MNAT1: variants seen among roughly 807,000 people sequenced by gnomAD.
MNAT1 encodes MNAT1 component of CDK activating kinase, also known as CDK-activating kinase assembly factor MAT1.
In MNAT1, 43 loss-of-function variants were observed where a neutral mutation model predicts 42.0. The ratio of observed to expected loss-of-function variants is 1.02; its 90% CI spans 0.80 to 1.32. The LOEUF (loss-of-function observed/expected upper bound fraction) is 1.32. Among genes scored for constraint, MNAT1 ranks in the 40% most tolerant of loss-of-function variants. The probability of loss-of-function intolerance (pLI) is 0.00; values close to 1 mark genes in which losing one functional copy is unlikely to be tolerated. For synonymous variants in MNAT1, 118 were observed against 120.0 expected (o/e 0.98, Z 0.11); for missense variants, 306 against 350.4 (o/e 0.87, Z 1.01).
intron 1 of MNAT1, among the ~76,000 whole-genome samples, chr14:60,767,674 C>T (rs1188797552): frequency 2.0e-5 from 3 of 152,162 alleles, no homozygotes; most frequent in African/African-American, 4.8e-5. Flanking sequence ...GATCTTGGCT[C>T]ATCGCAACCT....
intron 7 of MNAT1, among the ~76,000 whole-genome samples, chr14:60,909,529 G>C (rs1046242867): frequency 1.3e-5 from 2 of 152,136 alleles, no homozygotes; most frequent in Non-Finnish European, 2.9e-5. Context: ...TCCAGTTTCA[G>C]CTTTCTACAT....
chr14:60,958,634 C>CT (rs71114172), intron 7 of MNAT1, among the ~76,000 whole-genome samples: 59,300 of 93,428 alleles, frequency 0.63, 22,695 homozygotes, highest in Middle Eastern at 0.67. Context: ...GAGACAAGGT[C>CT]TTTTTTTTTT....
intron 7 of MNAT1, among the ~76,000 whole-genome samples, chr14:60,922,514 A>T (rs1183224399): frequency 6.6e-6 from 1 of 152,026 alleles, no homozygotes; most frequent in Non-Finnish European, 1.5e-5. Flanking sequence ...TAAATCTTTT[A>T]TTTTTTGGCC....
chr14:60,867,856 C>T (rs2034240086), intron 6 of MNAT1, among the ~76,000 whole-genome samples: 1 of 151,932 alleles, frequency 6.6e-6, no homozygotes, highest in African/African-American at 2.4e-5. Flanking sequence ...TAGGCCCTGT[C>T]CCTCATTTGT....
At chr14:60,780,757 G>A (rs1165861221) in intron 1 of MNAT1, among the ~76,000 whole-genome samples, 1 of 151,790 alleles carries the variant, frequency 6.6e-6, no homozygotes, top group Non-Finnish European at 1.5e-5. Context: ...TTGTTTTTTT[G>A]GTACCTATTT....
chr14:60,834,165 A>G (rs1233177389), intron 6 of MNAT1, among the ~76,000 whole-genome samples: 8 of 151,806 alleles, frequency 5.3e-5, no homozygotes, highest in East Asian at 1.9e-4. Flanking sequence ...TTGTGTCTCT[A>G]TCTCCTTTAG....
chr14:60,940,273 G>T lies in MNAT1; in HGVS notation c.810-27956G>T, dbSNP rs968210613. 5.1e-4 allele frequency among the ~76,000 whole-genome samples: 77 copies of T among 152,284 alleles called. 1 individual carries two copies. Among genetic ancestry groups the T allele is most frequent in the East Asian group, 1.5e-3 (8 of 5,176 alleles). On this transcript the variant is annotated intron_variant, in intron 7 of 7. Transcript: ENST00000261245. ...GTTATGTGTGAATTTGATCCTGTCA[G>T]TATGATGTTAGCTGGTTATTTTGCT...
intron 1 of MNAT1, among the ~76,000 whole-genome samples, chr14:60,769,006 T>C (rs2030946585): frequency 6.6e-6 from 1 of 152,186 alleles, no homozygotes; most frequent in African/African-American, 2.4e-5. Context: ...ATAATATGTA[T>C]AGTTTAATGA....
chr14:60,797,004 A>G (rs1376495854), intron 2 of MNAT1, among the ~76,000 whole-genome samples: 4 of 152,070 alleles, frequency 2.6e-5, no homozygotes, highest in Non-Finnish European at 4.4e-5. Context: ...ATATATGTAT[A>G]TATATACCTA....
In MNAT1 at chr14:60,818,898, G is replaced by A. The variant is rs4151228; in HGVS notation, c.687+51G>A. Reference sequence around the variant, plus strand: ...TGAAAGATATTTTTTCAAGGATTATGCTTTATAATTTTACACGATTTCTAT... The same window carrying A: ...TGAAAGATATTTTTTCAAGGATTATACTTTATAATTTTACACGATTTCTAT... On this transcript the variant is annotated intron_variant, in intron 6 of 7. Transcript: ENST00000261245. The A allele has an allele frequency of 1.5e-3, 2,367 of 1,579,922 alleles. 38 individuals carry two copies. The African/African-American group carries it at 0.027, about 18-fold the overall frequency.
intron 7 of MNAT1, among the ~76,000 whole-genome samples, chr14:60,913,613 G>T (rs1332449705): frequency 1.3e-5 from 2 of 152,140 alleles, no homozygotes; most frequent in African/African-American, 2.4e-5. Context: ...GTTTGCCTGG[G>T]TATCAGCAGG....
chr14:60,912,164 C>T (rs199765275), intron 7 of MNAT1, among the ~76,000 whole-genome samples: 15 of 151,634 alleles, frequency 9.9e-5, no homozygotes, highest in East Asian at 1.9e-4. Context: ...TTTTGTTTTC[C>T]GTTTGCTTGG....
intron 5 of MNAT1, among the ~76,000 whole-genome samples, chr14:60,813,773 A>G (rs1594773153): frequency 2.0e-5 from 3 of 152,202 alleles, no homozygotes; most frequent in Admixed American, 2.0e-4. Flanking sequence ...TTTCATTTTC[A>G]TATTGTAGTT....
At chr14:60,886,580 T>C (rs530695147) in intron 7 of MNAT1, among the ~76,000 whole-genome samples, 4 of 152,160 alleles carry the variant, frequency 2.6e-5, no homozygotes, top group East Asian at 3.9e-4. Context: ...TTTTCAGATA[T>C]ATCAATATTA....
chr14:60,797,736 G>A (rs1474527850), intron 2 of MNAT1, among the ~76,000 whole-genome samples: 2 of 152,062 alleles, frequency 1.3e-5, no homozygotes, highest in Non-Finnish European at 2.9e-5. Flanking sequence ...GACCAGCCTG[G>A]CCAACATGGT....
chr14:60,943,900 G>A (rs1337213575), intron 7 of MNAT1, among the ~76,000 whole-genome samples: 1 of 152,150 alleles, frequency 6.6e-6, no homozygotes, highest in East Asian at 1.9e-4. Context: ...GCAAGATTTA[G>A]TCATGGACTA....
At chr14:60,898,715 C>T (rs2035013861) in intron 7 of MNAT1, among the ~76,000 whole-genome samples, 1 of 152,130 alleles carries the variant, frequency 6.6e-6, no homozygotes, top group Non-Finnish European at 1.5e-5. Context: ...CTTGTCTCCT[C>T]ACTCTGTTGA....
chr14:60,904,069 C>A (rs1297912972), intron 7 of MNAT1, among the ~76,000 whole-genome samples: 1 of 152,068 alleles, frequency 6.6e-6, no homozygotes, highest in African/African-American at 2.4e-5. Flanking sequence ...GATGGGGTTT[C>A]ACCATATTGG....
chr14:60,805,198 C>T (rs1011279365), intron 3 of MNAT1, among the ~76,000 whole-genome samples: 1 of 144,734 alleles, frequency 6.9e-6, no homozygotes, highest in Non-Finnish European at 1.5e-5. Flanking sequence ...TGAGCCCTTA[C>T]CAGATGAGAA....
Sources: gnomAD v4.1 joint callset for allele counts (sites outside exome capture counted in the v4.1 genomes callset) on GRCh38, gnomAD v4.1.1 for gene constraint, MANE v1.5 for transcripts, NCBI Gene and HGNC (gene_info 2026-07-23, HGNC 2026-07-21) for gene names.